OR6N1: variants seen among roughly 807,000 people sequenced by gnomAD.
The protein encoded by OR6N1 is olfactory receptor family 6 subfamily N member 1.
For synonymous variants in OR6N1, 170 were observed against 150.7 expected (o/e 1.13, Z -0.94); for missense variants, 394 against 371.7 (o/e 1.06, Z -0.49).
the OR6N1 span, among the ~76,000 whole-genome samples, chr1:158,791,692 T>C: frequency 6.6e-6 from 1 of 152,082 alleles, no homozygotes; most frequent in South Asian, 2.1e-4. Flanking sequence ...ATGGTCTCGA[T>C]CTCCTGACCT....
chr1:158,780,688 T>C, the OR6N1 span, among the ~76,000 whole-genome samples: 3 of 152,220 alleles, frequency 2.0e-5, no homozygotes, highest in Non-Finnish European at 2.9e-5. Flanking sequence ...CTGTTGAATA[T>C]GTATTGCTTT....
At chr1:158,768,756 T>C (rs1012099060) in intron 1 of OR6N1, among the ~76,000 whole-genome samples, 4 of 152,238 alleles carry the variant, frequency 2.6e-5, no homozygotes, top group Non-Finnish European at 5.9e-5. Flanking sequence ...TTTCACCAGC[T>C]CAACTACCTG....
At chr1:158,831,952 A>G in the OR6N1 span, among the ~76,000 whole-genome samples, 172 of 152,320 alleles carry the variant, frequency 1.1e-3, no homozygotes, top group African/African-American at 3.9e-3. Flanking sequence ...AAACCAGGAT[A>G]TAAATCTCTA....
chr1:158,787,474 A>G, the OR6N1 span, among the ~76,000 whole-genome samples: 1 of 152,114 alleles, frequency 6.6e-6, no homozygotes, highest in Non-Finnish European at 1.5e-5. Context: ...TAAACAAATA[A>G]ATGTAGCTGT....
At chr1:158,810,579 G>A in the OR6N1 span, among the ~76,000 whole-genome samples, 2 of 152,174 alleles carry the variant, frequency 1.3e-5, no homozygotes, top group African/African-American at 2.4e-5. Flanking sequence ...GGACTTTACA[G>A]TTTAATCCCA....
At chr1:158,774,351 A>AT (rs1376941415), upstream of OR6N1, 6 of 152,238 alleles carry the variant, frequency 3.9e-5, no homozygotes, top group African/African-American at 1.4e-4. Context: ...ACCTGCTGAG[A>AT]TAAAACACAC....
chr1:158,799,675 G>T, the OR6N1 span, among the ~76,000 whole-genome samples: 2 of 152,202 alleles, frequency 1.3e-5, no homozygotes. Flanking sequence ...TCGTATGTTT[G>T]TGTAGTCAGG....
the OR6N1 span, chr1:158,777,322 T>C: frequency 6.2e-7 from 1 of 1,613,586 alleles, no homozygotes; most frequent in Non-Finnish European, 8.5e-7. Flanking sequence ...TCCCAAGGAG[T>C]GGAAGAAGTA....
chr1:158,783,403 A>C, the OR6N1 span, among the ~76,000 whole-genome samples: 2 of 152,232 alleles, frequency 1.3e-5, no homozygotes, highest in African/African-American at 2.4e-5. Flanking sequence ...TCATATGAAA[A>C]TAGAAATGAG....
At chr1:158,834,256 G>A in the OR6N1 span, among the ~76,000 whole-genome samples, 4 of 132,232 alleles carry the variant, frequency 3.0e-5, no homozygotes, top group Admixed American at 8.3e-5. Flanking sequence ...TTTTTGAGAC[G>A]GAGTTTCGCC....
chr1:158,766,290 G>A lies in OR6N1; in HGVS notation c.393C>T (p.His131=), dbSNP rs778513972. 1.3e-5 allele frequency: 21 copies of A among 1,613,988 alleles called. No homozygotes were observed. Among genetic ancestry groups the A allele is most frequent in the Middle Eastern group, 1.6e-4 (1 of 6,084 alleles). ...GTGTTGGGGTCATGAGGGTTGGGTA[G>A]TGGAGGGGCCGGCAGATGGCTAAAT... ...DRYLAICRPL[H]YPTLMTPTLC... Residue 131 remains histidine, a synonymous_variant, in exon 2 of 2, where the codon CAC becomes CAT. Coordinates refer to ENST00000641846, the MANE Select transcript of OR6N1 (RefSeq NM_001005185.2).
At chr1:158,795,834 G>A in the OR6N1 span, among the ~76,000 whole-genome samples, 1,777 of 152,260 alleles carry the variant, frequency 0.012, 30 homozygotes, top group African/African-American at 0.04. Flanking sequence ...TCACAGTGTA[G>A]GCTGCTGCAC....
At chr1:158,815,607 C>G in the OR6N1 span, among the ~76,000 whole-genome samples, 1 of 152,046 alleles carries the variant, frequency 6.6e-6, no homozygotes, top group Admixed American at 6.5e-5. Flanking sequence ...TTCTACTGAT[C>G]CACATGAAAA....
chr1:158,766,849 T>C, intron 1 of OR6N1, 149 bp from the exon 2 acceptor site: 3 of 600,494 alleles, frequency 5.0e-6, no homozygotes, highest in Non-Finnish European at 8.8e-6. Context: ...ACATTTCAAT[T>C]CCATCCCTCC....
the OR6N1 span, among the ~76,000 whole-genome samples, chr1:158,802,962 T>C: frequency 1.3e-5 from 2 of 152,156 alleles, no homozygotes; most frequent in Non-Finnish European, 2.9e-5. Flanking sequence ...CTTAGATGGA[T>C]ATGGAGTCCA....
the OR6N1 span, among the ~76,000 whole-genome samples, chr1:158,797,379 G>A: frequency 1.3e-5 from 2 of 152,142 alleles, no homozygotes; most frequent in African/African-American, 2.4e-5. Context: ...GGGGGAAAGC[G>A]TTATACTTAT....
the OR6N1 span, among the ~76,000 whole-genome samples, chr1:158,808,121 CTTTTTTTTTTTTTT>C: frequency 7.1e-4 from 28 of 39,550 alleles, no homozygotes; most frequent in Admixed American, 1.4e-3. Context: ...CAATGACTGC[CTTTTTTTTTTTTTT>C]TTTTTTTTTT....
rs770053604 is a variant in OR6N1 at position 158,765,933 on chromosome 1, G to A, written c.750C>T (p.Ile250=). 5 of 1,614,174 alleles carry A rather than the reference G, an allele frequency of 3.1e-6. No individual in the cohort carries two copies. Among genetic ancestry groups the A allele is most frequent in the South Asian group, 2.2e-5 (2 of 91,086 alleles). ...ACATGGAAAGGATGCTCCCATAGAA[G>A]ATGAGAACCACAGTGAAGTGGGAGG... is the stretch of plus-strand genomic sequence containing the variant. The part of the protein sequence containing the change: ...TCASHFTVVL[I]FYGSILSMYV... The change falls in exon 2 of 2, where the codon ATC becomes ATT. Residue 250 remains isoleucine (I), a synonymous_variant. Coordinates refer to ENST00000641846, the MANE Select transcript of OR6N1 (RefSeq NM_001005185.2).
chr1:158,777,297 GT>G, the OR6N1 span: 1 of 1,614,132 alleles, frequency 6.2e-7, no homozygotes, highest in Non-Finnish European at 8.5e-7. Context: ...CTGTAAGAAG[GT>G]AGCATTCAGA....
Sources: allele counts gnomAD v4.1 joint callset (sites outside exome capture counted in the v4.1 genomes callset), GRCh38; gene constraint gnomAD v4.1.1; transcripts MANE v1.5; gene names NCBI Gene and HGNC (gene_info 2026-07-23, HGNC 2026-07-21).